CGREF1: variants seen among roughly 807,000 people sequenced by gnomAD.
The protein encoded by CGREF1 is cell growth regulator with EF hand domain protein 1.
In CGREF1, 16 loss-of-function variants were observed where a neutral mutation model predicts 17.4. The observed-to-expected ratio is 0.92, with a 90% CI of 0.62 to 1.40. The LOEUF (loss-of-function observed/expected upper bound fraction) is 1.40. Among genes scored for constraint, CGREF1 ranks in the 40% most tolerant of loss-of-function variants. The pLI, the probability that CGREF1 is intolerant of heterozygous loss-of-function variation, is 0.00. For synonymous variants in CGREF1, 142 were observed against 154.6 expected (o/e 0.92, Z 0.61); for missense variants, 296 against 376.4 (o/e 0.79, Z 1.77).
In CGREF1 at chr2:27,101,182, G is replaced by C; in HGVS notation, c.*92C>G. The C allele has an allele frequency of 6.7e-7, 1 of 1,498,610 alleles. No homozygotes were observed. Among genetic ancestry groups the C allele is most frequent in the Non-Finnish European group, 8.9e-7 (1 of 1,129,428 alleles). 92.8% of individuals were successfully genotyped at this position (1,498,610 alleles called of 1,614,324 possible). On this transcript the variant is annotated 3_prime_UTR_variant, in exon 6 of 6. Coordinates refer to ENST00000402394, the MANE Select transcript of CGREF1 (RefSeq NM_006569.6). ...ACTGGGACCAGGCAGGGGGCACAGA[G>C]ATGGTCCTTGTCCCAGCGTACATTT...
Position 27,101,192 on chromosome 2 carries a change from G to A in CGREF1, c.*82C>T. 6.6e-7 allele frequency: 1 copy of A among 1,504,716 alleles called. No individual in the cohort carries two copies. The highest frequency in any genetic ancestry group is 8.8e-7 in the Non-Finnish European group (1 of 1,131,010). The allele number at this position is 1,504,716 out of a possible 1,614,324, so 93.2% of individuals were successfully genotyped here. A position where few individuals can be genotyped will look rare whatever the true frequency, so the allele number is the denominator to read the frequency against. ...GGCAGGGGGCACAGAGATGGTCCTT[G>A]TCCCAGCGTACATTTCCCCTGCCCA... On this transcript the variant is annotated 3_prime_UTR_variant, in exon 6 of 6. Transcript: ENST00000402394.
intron 2 of CGREF1, chr2:27,103,034 T>C (rs1221847877): frequency 6.1e-6 from 6 of 985,216 alleles, no homozygotes; most frequent in Non-Finnish European, 7.2e-6. Context: ...TGACATAAAA[T>C]TGACCTATAC....
intron 1 of CGREF1, among the ~76,000 whole-genome samples, chr2:27,116,765 C>T (rs780390860): frequency 1.1e-4 from 17 of 150,672 alleles, no homozygotes; most frequent in Non-Finnish European, 2.1e-4. Flanking sequence ...GATGGGGTTT[C>T]GGCATCTTGG....
At chr2:27,099,449 A>G (rs781078287), downstream of CGREF1, 13 of 1,613,800 alleles carry the variant, frequency 8.1e-6, no homozygotes, top group East Asian at 2.9e-4. Context: ...TGGGCTGAGG[A>G]GGGCGCCGAC....
chr2:27,101,084 CAT>C lies in CGREF1; in HGVS notation c.*188_*189del. 7.4e-7 allele frequency: 1 copy of C among 1,344,012 alleles called. No homozygotes were observed. Among genetic ancestry groups the C allele is most frequent in the East Asian group, 2.8e-5 (1 of 35,354 alleles). 83.3% of individuals were successfully genotyped at this position (1,344,012 alleles called of 1,614,324 possible). A position where few individuals can be genotyped will look rare whatever the true frequency, so the allele number is the denominator to read the frequency against. On this transcript the variant is annotated 3_prime_UTR_variant, in exon 6 of 6. Transcript: ENST00000402394. ...AGAGAGGTGGCCGGGGGGATGAATTCATTCAGTTCTTTATTGGTAATCTGCCC... is the reference window on the plus strand; with the variant it reads ...AGAGAGGTGGCCGGGGGGATGAATTCTCAGTTCTTTATTGGTAATCTGCCC...
At chr2:27,103,756 G>C (rs1671003013) in intron 2 of CGREF1, among the ~76,000 whole-genome samples, 1 of 151,372 alleles carries the variant, frequency 6.6e-6, no homozygotes, top group African/African-American at 2.4e-5. Flanking sequence ...AGGCCGATGT[G>C]GGCGGATCAC....
Position 27,102,130 on chromosome 2 carries a change from G to A in CGREF1, c.309C>T (p.Ala103=). 1 of 1,611,142 alleles carries A rather than the reference G, an allele frequency of 6.2e-7. No homozygotes were observed. Among genetic ancestry groups the A allele is most frequent in the Non-Finnish European group, 8.5e-7 (1 of 1,177,668 alleles). ...ELLSMLTAAL[A]PGAANSPTTN... The stretch of plus-strand genomic sequence containing the variant: ...TGGTAGGAGAGTTGGCAGCTCCAGG[G>A]GCCAGAGCAGCTGTCAACATGGACA... The change falls in exon 5 of 6, where the codon GCC becomes GCT. Residue 103 remains alanine (A), a synonymous_variant. Transcript: ENST00000402394.
At chr2:27,111,794 A>T (rs1055677453) in intron 1 of CGREF1, among the ~76,000 whole-genome samples, 1 of 151,890 alleles carries the variant, frequency 6.6e-6, no homozygotes, top group Non-Finnish European at 1.5e-5. Flanking sequence ...CCCACCCGGA[A>T]CTCGCGCTGG....
chr2:27,107,453 C>T (rs1671167060), intron 1 of CGREF1, among the ~76,000 whole-genome samples: 3 of 151,466 alleles, frequency 2.0e-5, no homozygotes, highest in African/African-American at 4.9e-5. Context: ...TGGGGTTTCA[C>T]CATGTTGATC....
chr2:27,104,948 G>C (rs1480581519), intron 1 of CGREF1, among the ~76,000 whole-genome samples: 1 of 152,226 alleles, frequency 6.6e-6, no homozygotes, highest in Non-Finnish European at 1.5e-5. Context: ...ATCAGGGTCA[G>C]ACCAACAGTG....
chr2:27,099,762 G>A (rs200569175), downstream of CGREF1: 65 of 1,613,002 alleles, frequency 4.0e-5, no homozygotes, highest in African/African-American at 6.7e-5. Context: ...AGCAGGTGCC[G>A]GCTCCTCACA....
downstream of CGREF1, chr2:27,099,896 CCCA>C: frequency 2.0e-6 from 3 of 1,530,848 alleles, no homozygotes; most frequent in Non-Finnish European, 2.7e-6. Flanking sequence ...TCCTGTGTTC[CCCA>C]CAGGGAGAGG....
At chr2:27,102,704 GC>G in intron 2 of CGREF1, 113 bp from the exon 3 acceptor site, 2 of 1,226,888 alleles carry the variant, frequency 1.6e-6, no homozygotes, top group Non-Finnish European at 1.1e-6. Context: ...AAAGGGAGTT[GC>G]CCCCAAAATT....
rs1670854572 is a variant in CGREF1, at chr2:27,101,588, C to A, written c.643G>T (p.Asp215Tyr). 1 of 1,613,188 alleles carries A rather than the reference C, an allele frequency of 6.2e-7. No individual in the cohort carries two copies. The highest frequency in any genetic ancestry group is 1.7e-5 in the Admixed American group (1 of 59,974). The change falls in exon 6 of 6, where the codon GAT becomes TAT. Residue 215 changes from aspartate (D) to tyrosine (Y), a missense_variant. Asp to Tyr is a radical substitution (Grantham distance 160, BLOSUM62 -3). Coordinates refer to ENST00000402394, the MANE Select transcript of CGREF1 (RefSeq NM_006569.6). ...VQEPGGQAEA[D>Y]GDVPGPRGEA... ...CCTCTGGGCCCTGGAACATCTCCAT[C>A]AGCCTCTGCCTGGCCCCCAGGCTCC...
rs138616060 is a variant in CGREF1, at chr2:27,101,550, G to A, written c.681C>T (p.Gly227=). ...DVPGPRGEAE[G]QAEAKGDAPG... is the part of the protein sequence containing the mutation. ...GGGCATCTCCTTTAGCCTCTGCCTGGCCCTCAGCTTCCCCTCTGGGCCCTG... is the reference window on the plus strand; with the variant it reads ...GGGCATCTCCTTTAGCCTCTGCCTGACCCTCAGCTTCCCCTCTGGGCCCTG... The change falls in exon 6 of 6, where the codon GGC becomes GGT. Residue 227 remains glycine (G), a synonymous_variant. Coordinates refer to ENST00000402394, the MANE Select transcript of CGREF1 (RefSeq NM_006569.6). The A allele has an allele frequency of 1.7e-4, 270 of 1,612,184 alleles. No individual in the cohort carries two copies. In the African/African-American group the frequency reaches 3.3e-3, roughly 20 times the overall value.
intron 1 of CGREF1, among the ~76,000 whole-genome samples, chr2:27,116,560 G>A (rs1197357732): frequency 6.6e-6 from 1 of 150,790 alleles, no homozygotes; most frequent in African/African-American, 2.5e-5. Context: ...TAAATGATGT[G>A]GACTTTCAGT....
At chr2:27,108,199 G>T (rs931068726) in intron 1 of CGREF1, among the ~76,000 whole-genome samples, 2 of 152,086 alleles carry the variant, frequency 1.3e-5, no homozygotes, top group Non-Finnish European at 2.9e-5. Context: ...AGGTTGCAGT[G>T]AGCCAAGATC....
At chr2:27,110,085 G>A (rs1037733361) in intron 1 of CGREF1, among the ~76,000 whole-genome samples, 4 of 151,606 alleles carry the variant, frequency 2.6e-5, no homozygotes, top group Non-Finnish European at 5.9e-5. Context: ...AAGGCTGGGT[G>A]TGTGGCTAAT....
chr2:27,116,923 C>T (rs6727535), intron 1 of CGREF1, among the ~76,000 whole-genome samples: 3,044 of 52,518 alleles, frequency 0.058, 107 homozygotes, highest in African/African-American at 0.1. Context: ...CTCTCTCTCT[C>T]TTTTTTTGAG....
Sources: gnomAD v4.1 joint callset for allele counts (sites outside exome capture counted in the v4.1 genomes callset) on GRCh38, gnomAD v4.1.1 for gene constraint, MANE v1.5 for transcripts, NCBI Gene and HGNC (gene_info 2026-07-23, HGNC 2026-07-21) for gene names.